The following CSMD2 variants were observed in gnomAD, a reference collection of about 807,000 sequenced individuals.
The protein encoded by CSMD2 is CUB and sushi domain-containing protein 2.
CSMD2 carries 130 observed loss-of-function variants against 398.5 expected under a neutral mutation model. The ratio of observed to expected loss-of-function variants is 0.33; its 90% CI spans 0.28 to 0.38. The LOEUF is 0.38. Among genes scored for constraint, CSMD2 ranks in the 10% least tolerant of loss-of-function variants. CSMD2 has a pLI of 1.00. For synonymous variants in CSMD2, 1,828 were observed against 1,908.5 expected (o/e 0.96, Z 1.10); for missense variants, 3,829 against 4,764.9 (o/e 0.80, Z 5.78).
chr1:34,158,718 C>T (rs1303220657), intron 1 of CSMD2, among the ~76,000 whole-genome samples: 2 of 152,070 alleles, frequency 1.3e-5, no homozygotes, highest in African/African-American at 4.8e-5. Flanking sequence ...AACAATGGGC[C>T]CAGCACTGTA....
Position 33,524,882 on chromosome 1 carries a change from C to T in CSMD2, c.10396G>A (p.Gly3466Arg). Residue 3466 changes from glycine (G) to arginine (R), a missense_variant and splice_region_variant, in exon 66 of 71, where the codon GGA (glycine) becomes AGA (arginine). This residue lies in a region of CSMD2 where 917 missense variants were observed against 1,199.5 expected (regional missense o/e 0.76). Coordinates refer to ENST00000373381, the MANE Select transcript of CSMD2 (RefSeq NM_001281956.2). ...TTTCATAGAGGGGCCTGCTCCTTAC[C>T]AGCCAAGTGCAGCTCCACGCCACTG... ...DHSGVELHLA[G>R]TYKKEDFHLL... is the part of the protein sequence containing the mutation. The T allele has an allele frequency of 2.5e-6, 4 of 1,613,970 alleles. No homozygotes were observed. Among genetic ancestry groups the T allele is most frequent in the Non-Finnish European group, 3.4e-6 (4 of 1,179,976 alleles).
intron 48 of CSMD2, among the ~76,000 whole-genome samples, chr1:33,578,773 A>G (rs1638477156): frequency 6.6e-6 from 1 of 152,132 alleles, no homozygotes; most frequent in Non-Finnish European, 1.5e-5. Context: ...TGGATAAGGC[A>G]GGATGCGCGT....
At chr1:33,930,334 G>A (rs1487677470) in intron 4 of CSMD2, among the ~76,000 whole-genome samples, 1 of 152,166 alleles carries the variant, frequency 6.6e-6, no homozygotes, top group Admixed American at 6.5e-5. Context: ...CTTACCTAGG[G>A]TTGAACCCAG....
intron 2 of CSMD2, among the ~76,000 whole-genome samples, chr1:34,048,716 A>T (rs1433187660): frequency 3.9e-5 from 6 of 152,194 alleles, no homozygotes; most frequent in Admixed American, 6.5e-5. Flanking sequence ...TTGAAAGATT[A>T]GGTCTCCATT....
chr1:33,862,605 T>C (rs1639621458), intron 5 of CSMD2: 1 of 152,042 alleles, frequency 6.6e-6, no homozygotes, highest in African/African-American at 2.4e-5. Context: ...CCCAGAGTAA[T>C]CCGTTCCTTT....
intron 41 of CSMD2, among the ~76,000 whole-genome samples, chr1:33,610,374 G>C (rs1433025388): frequency 2.0e-5 from 3 of 152,134 alleles, no homozygotes; most frequent in Non-Finnish European, 4.4e-5. Context: ...GGCGAGGTTG[G>C]GCTTACTCAG....
At chr1:33,913,072 A>C (rs1643543419) in intron 5 of CSMD2, among the ~76,000 whole-genome samples, 1 of 152,108 alleles carries the variant, frequency 6.6e-6, no homozygotes, top group African/African-American at 2.4e-5. Context: ...TCAGCCTCCC[A>C]AAGTCTTGGG....
intron 6 of CSMD2, among the ~76,000 whole-genome samples, 176 bp downstream of exon 6, chr1:33,846,708 G>C (rs1638268322): frequency 1.3e-5 from 2 of 152,200 alleles, no homozygotes; most frequent in South Asian, 4.1e-4. Context: ...TGGGGCAAAA[G>C]ACAAGGGCAG....
At chr1:34,052,109 A>G (rs367806059) in intron 2 of CSMD2, among the ~76,000 whole-genome samples, 17 of 151,960 alleles carry the variant, frequency 1.1e-4, no homozygotes, top group African/African-American at 2.4e-4. Context: ...CAGCTTGCCA[A>G]CTGCAGATCT....
chr1:33,636,645 C>A lies in CSMD2; in HGVS notation c.4775-91G>T. The A allele has an allele frequency of 9.6e-7, 1 of 1,042,872 alleles. No individual in the cohort carries two copies. Among genetic ancestry groups the A allele is most frequent in the Non-Finnish European group, 1.4e-6 (1 of 696,274 alleles). The allele number at this position is 1,042,872 out of a possible 1,614,324, so 64.6% of individuals were successfully genotyped here. A position where few individuals can be genotyped will look rare whatever the true frequency, so the allele number is the denominator to read the frequency against. On this transcript the variant is annotated intron_variant, in intron 29 of 70. Coordinates refer to ENST00000373381, the MANE Select transcript of CSMD2 (RefSeq NM_001281956.2). This position sits in a 1 kb window ranked among gnomAD's most constrained non-coding sequence, Gnocchi z 4.8. Reference sequence around the variant, plus strand: ...TCCAGTGCCCATGAGGAGAACCCGACTTTAATTAGCCACAGAGCACACGGG... The same window carrying A: ...TCCAGTGCCCATGAGGAGAACCCGAATTTAATTAGCCACAGAGCACACGGG...
chr1:33,793,695 A>AGGGAGGCTGGTG (rs33992162), intron 10 of CSMD2, among the ~76,000 whole-genome samples: 1 of 151,982 alleles, frequency 6.6e-6, no homozygotes, highest in Non-Finnish European at 1.5e-5. Context: ...CATTGGCAGG[A>AGGGAGGCTGGTG]GTGAGGATGG....
chr1:33,587,942 A>G (rs1010909807), intron 44 of CSMD2, among the ~76,000 whole-genome samples: 1 of 152,132 alleles, frequency 6.6e-6, no homozygotes, highest in African/African-American at 2.4e-5. Flanking sequence ...AATCACCCCA[A>G]TCCTTGCTAT....
intron 62 of CSMD2, among the ~76,000 whole-genome samples, chr1:33,534,992 C>G (rs1655629739): frequency 6.6e-6 from 1 of 152,170 alleles, no homozygotes. Context: ...GATATTCATT[C>G]TCTACTCAGC....
intron 3 of CSMD2, among the ~76,000 whole-genome samples, chr1:33,965,190 C>A (rs906515895): frequency 6.6e-6 from 1 of 152,152 alleles, no homozygotes; most frequent in African/African-American, 2.4e-5. Context: ...ATCCTCTTCC[C>A]CTCGACCGTG....
At chr1:33,796,748 C>T (rs2094033) in intron 10 of CSMD2, among the ~76,000 whole-genome samples, 19,685 of 152,162 alleles carry the variant, frequency 0.13, 1,813 homozygotes, top group African/African-American at 0.26. Flanking sequence ...CAGAATAGAG[C>T]CATATTTTTC....
intron 2 of CSMD2, among the ~76,000 whole-genome samples, chr1:34,087,460 G>A (rs1436716500): frequency 1.3e-5 from 2 of 151,798 alleles, no homozygotes; most frequent in South Asian, 2.1e-4. Flanking sequence ...ATCACACACC[G>A]GGGCCTGTCA....
Position 33,771,297 on chromosome 1 carries a change from C to T in CSMD2, c.1846+1272G>A, listed in dbSNP as rs1380771294. 2.0e-5 allele frequency among the ~76,000 whole-genome samples: 3 copies of T among 152,180 alleles called. 1 individual carries two copies. Among genetic ancestry groups the T allele is most frequent in the African/African-American group, 7.2e-5 (3 of 41,438 alleles). On this transcript the variant is annotated intron_variant, in intron 13 of 70. Transcript: ENST00000373381. ...GCAATGGGCAAAGCCTTTGTGTTTGCCTGCCCCGAGCTGCTCCCTGCTCCT... is the reference window on the plus strand; with the variant it reads ...GCAATGGGCAAAGCCTTTGTGTTTGTCTGCCCCGAGCTGCTCCCTGCTCCT...
intron 27 of CSMD2, among the ~76,000 whole-genome samples, chr1:33,657,554 T>G (rs1190296771): frequency 3.9e-5 from 6 of 152,228 alleles, no homozygotes; most frequent in Admixed American, 3.9e-4. Flanking sequence ...CTTTACATTC[T>G]GAGGCTGTGG....
chr1:33,626,034 TG>T (rs1223475639), intron 33 of CSMD2, among the ~76,000 whole-genome samples: 1 of 152,248 alleles, frequency 6.6e-6, no homozygotes, highest in Admixed American at 6.5e-5. Flanking sequence ...CTCTGAGGCC[TG>T]GCGTAGCTGG....
Sources: gnomAD v4.1 joint callset for allele counts (sites outside exome capture counted in the v4.1 genomes callset) on GRCh38, gnomAD v4.1.1 for gene constraint, gnomAD v4.1.1 regional missense constraint, Gnocchi (gnomAD v3.1) non-coding constraint, MANE v1.5 for transcripts, NCBI Gene and HGNC (gene_info 2026-07-23, HGNC 2026-07-21) for gene names.